WDPCP: variants seen among roughly 807,000 people sequenced by gnomAD.
WDPCP encodes the protein WD repeat-containing and planar cell polarity effector protein fritz homolog.
In WDPCP, 71 loss-of-function variants were observed where a neutral mutation model predicts 93.1. The observed-to-expected ratio is 0.76, with a 90% CI of 0.63 to 0.93. The LOEUF (loss-of-function observed/expected upper bound fraction) is 0.93. Ranked by LOEUF, WDPCP falls within the 40% of genes least tolerant of loss-of-function variation. The probability of loss-of-function intolerance (pLI) is 0.00; values close to 1 mark genes in which losing one functional copy is unlikely to be tolerated. For missense variants in WDPCP, 844 were observed against 887.4 expected (o/e 0.95, Z 0.62); for synonymous variants, 315 against 315.0 (o/e 1.00, Z 0.00).
At chr2:63,739,108 G>T (rs776857513) in intron 2 of WDPCP, among the ~76,000 whole-genome samples, 1 of 152,216 alleles carries the variant, frequency 6.6e-6, no homozygotes, top group South Asian at 2.1e-4. Flanking sequence ...CACAGGGGTT[G>T]TTGTACATAT....
intron 3 of WDPCP, among the ~76,000 whole-genome samples, chr2:63,621,887 T>A (rs1362272771): frequency 7.9e-5 from 12 of 151,788 alleles, no homozygotes; most frequent in South Asian, 6.3e-4. Flanking sequence ...CTTTTTTTTT[T>A]TTATTATACT....
chr2:63,378,475 A>C lies in WDPCP; in HGVS notation c.1659T>G (p.Ala553=), dbSNP rs770819298. 1 of 1,613,306 alleles carries C rather than the reference A, an allele frequency of 6.2e-7. No homozygotes were observed. The highest frequency in any genetic ancestry group is 8.5e-7 in the Non-Finnish European group (1 of 1,179,472). Reference sequence around the variant, plus strand: ...TGGAATCCAGAAGTGGTCTTGTTGGAGCATAGAAGGTTCCAAGGCTTGTCT... The same window carrying C: ...TGGAATCCAGAAGTGGTCTTGTTGGCGCATAGAAGGTTCCAAGGCTTGTCT... ...QLETSLGTFY[A]PTRPLLDSTI... Residue 553 remains alanine, a synonymous_variant, in exon 12 of 18, where the codon GCT becomes GCG. Transcript: ENST00000272321.
rs1471045438 is a variant in WDPCP, at chr2:63,727,261, G to A, written n.309-76423C>T. ...TTGAGGGTTTTTAACATAAAGGAAT[G>A]TTGAATTTTATTGAAAGCCTTTTCT... On this transcript the variant is annotated intron_variant and non_coding_transcript_variant, in intron 2 of 4. Coordinates refer to the WDPCP transcript ENST00000467687. Among the ~76,000 whole-genome samples the A allele has an allele frequency of 2.0e-5, 3 of 152,160 alleles. No individual in the cohort carries two copies. In the East Asian group the frequency reaches 5.8e-4, roughly 29 times the overall value.
intron 12 of WDPCP, among the ~76,000 whole-genome samples, chr2:63,321,003 C>A (rs1346183206): frequency 1.3e-5 from 2 of 151,724 alleles, no homozygotes; most frequent in Non-Finnish European, 2.9e-5. Context: ...TATGAAAAGG[C>A]TAGAATGGCA....
intron 1 of WDPCP, among the ~76,000 whole-genome samples, chr2:63,823,899 A>G (rs1326452540): frequency 1.3e-5 from 2 of 152,126 alleles, no homozygotes; most frequent in Non-Finnish European, 1.5e-5. Flanking sequence ...TGGGCTGGGC[A>G]TGGTGGCACA....
At chr2:63,438,778 A>T (rs1697310291) in intron 7 of WDPCP, among the ~76,000 whole-genome samples, 1 of 152,126 alleles carries the variant, frequency 6.6e-6, no homozygotes, top group Non-Finnish European at 1.5e-5. Flanking sequence ...AGAACACAGC[A>T]GACGGAAGAT....
intron 3 of WDPCP, among the ~76,000 whole-genome samples, chr2:63,620,271 G>A (rs1025448635): frequency 6.6e-6 from 1 of 152,178 alleles, no homozygotes; most frequent in African/African-American, 2.4e-5. Context: ...AAGACTCATT[G>A]GCTTGAAATT....
chr2:63,472,818 C>G (rs927671796), intron 6 of WDPCP, among the ~76,000 whole-genome samples: 4 of 152,340 alleles, frequency 2.6e-5, no homozygotes, highest in African/African-American at 4.8e-5. Context: ...CCTTGGCCCC[C>G]CAAAGTGCTA....
At chr2:63,155,589 T>C (rs1392419461) in intron 15 of WDPCP, among the ~76,000 whole-genome samples, 1 of 152,202 alleles carries the variant, frequency 6.6e-6, no homozygotes, top group Non-Finnish European at 1.5e-5. Flanking sequence ...ATACATATTT[T>C]AGTAAATAAA....
chr2:63,251,605 C>T (rs1680734248), intron 14 of WDPCP, among the ~76,000 whole-genome samples: 1 of 150,674 alleles, frequency 6.6e-6, no homozygotes, highest in East Asian at 2.0e-4. Context: ...CATTCTCCTG[C>T]CTCAGCCTCC....
At chr2:63,228,387 C>CTTTT in intron 14 of WDPCP, 1 of 110,432 alleles carries the variant, frequency 9.1e-6, no homozygotes, top group Non-Finnish European at 1.9e-5. Context: ...TTTTCTTTTT[C>CTTTT]TTTTTTTTTT....
At chr2:63,351,064 C>T (rs1689573782) in intron 12 of WDPCP, among the ~76,000 whole-genome samples, 1 of 152,014 alleles carries the variant, frequency 6.6e-6, no homozygotes, top group African/African-American at 2.4e-5. Flanking sequence ...TCACTGCAAC[C>T]TCCACCTCCT....
chr2:63,622,083 T>C, intron 3 of WDPCP: 3 of 1,010,310 alleles, frequency 3.0e-6, no homozygotes, highest in Non-Finnish European at 4.0e-6. Context: ...TTTTTTTTTT[T>C]TGGAAGTTGA....
At chr2:63,520,057 T>C (rs1702815589) in intron 1 of WDPCP, among the ~76,000 whole-genome samples, 1 of 152,160 alleles carries the variant, frequency 6.6e-6, no homozygotes, top group Non-Finnish European at 1.5e-5. Flanking sequence ...CTGACAGAGC[T>C]GAAAAACACA....
chr2:63,553,798 T>C (rs1705866071), intron 1 of WDPCP, among the ~76,000 whole-genome samples: 1 of 152,228 alleles, frequency 6.6e-6, no homozygotes, highest in Non-Finnish European at 1.5e-5. Context: ...AAAACTCCTC[T>C]ATACCCTTGA....
At chr2:63,351,377 T>G (rs918553422) in intron 12 of WDPCP, among the ~76,000 whole-genome samples, 1 of 152,084 alleles carries the variant, frequency 6.6e-6, no homozygotes, top group African/African-American at 2.4e-5. Context: ...CCATCACCCA[T>G]GTAGTGAACC....
chr2:63,721,730 C>G (rs1293164250), intron 2 of WDPCP, among the ~76,000 whole-genome samples: 2 of 148,510 alleles, frequency 1.3e-5, no homozygotes, highest in South Asian at 4.4e-4. Context: ...CCTCCTCCCC[C>G]TCTCCCTCTC....
At chr2:63,341,921 T>C (rs1688868784) in intron 12 of WDPCP, among the ~76,000 whole-genome samples, 1 of 152,182 alleles carries the variant, frequency 6.6e-6, no homozygotes, top group Non-Finnish European at 1.5e-5. Flanking sequence ...CCTATTTGTG[T>C]CTTTGGATAT....
chr2:63,475,498 TA>T (rs575095469), intron 6 of WDPCP, among the ~76,000 whole-genome samples: 120 of 152,258 alleles, frequency 7.9e-4, no homozygotes, highest in African/African-American at 2.5e-3. Context: ...TATCCTTTAA[TA>T]TTTTATACAT....
Sources: allele counts gnomAD v4.1 joint callset (sites outside exome capture counted in the v4.1 genomes callset), GRCh38; gene constraint gnomAD v4.1.1; transcripts MANE v1.5; gene names NCBI Gene and HGNC (gene_info 2026-07-23, HGNC 2026-07-21).